PTPRN2: variants seen among roughly 807,000 people sequenced by gnomAD.
PTPRN2 encodes the protein protein tyrosine phosphatase receptor type N2, also known as receptor-type tyrosine-protein phosphatase N2.
A neutral mutation model predicts 118.8 loss-of-function variants in PTPRN2; 74 were observed. The ratio of observed to expected loss-of-function variants is 0.62; its 90% confidence interval spans 0.52 to 0.76. The LOEUF is 0.76. Among genes scored for constraint, PTPRN2 ranks in the 30% least tolerant of loss-of-function variants. PTPRN2 has a pLI of 0.00. For missense variants in PTPRN2, 1,481 were observed against 1,394.4 expected, an observed-to-expected ratio of 1.06 and a Z score of -0.99; for synonymous variants, 641 against 608.0, an observed-to-expected ratio of 1.05 and a Z score of -0.80.
chr7:158,111,192 G>T (rs144034783), intron 9 of PTPRN2, among the ~76,000 whole-genome samples: 4 of 152,234 alleles, frequency 2.6e-5, no homozygotes, highest in Non-Finnish European at 5.9e-5. Flanking sequence ...AAGGGGAGAA[G>T]GGAGAAGGGA....
intron 12 of PTPRN2, among the ~76,000 whole-genome samples, chr7:157,694,966 A>G (rs1036463598): frequency 1.3e-5 from 2 of 152,172 alleles, no homozygotes; most frequent in African/African-American, 4.8e-5. Flanking sequence ...TGATGAATAA[A>G]AAATATAATA....
intron 9 of PTPRN2, among the ~76,000 whole-genome samples, chr7:158,128,032 C>G (rs1218927214): frequency 2.0e-5 from 3 of 152,206 alleles, no homozygotes; most frequent in African/African-American, 7.2e-5. Flanking sequence ...ATCTGAACCT[C>G]AGCACCAAGA....
At chr7:157,570,148 C>A (rs1410813429) in intron 20 of PTPRN2, among the ~76,000 whole-genome samples, 1 of 152,254 alleles carries the variant, frequency 6.6e-6, no homozygotes, top group Admixed American at 6.5e-5. Context: ...GGAGGAGAGG[C>A]GGTCGGCCTG....
chr7:158,311,627 C>T (rs989813002), intron 3 of PTPRN2, among the ~76,000 whole-genome samples: 10 of 152,236 alleles, frequency 6.6e-5, no homozygotes, highest in Admixed American at 4.6e-4. Context: ...CCCTCCTCTT[C>T]GTGCAGAAGA....
intron 20 of PTPRN2, 73 bp from the exon 21 acceptor site, chr7:157,569,039 A>T: frequency 7.1e-7 from 1 of 1,407,688 alleles, no homozygotes; most frequent in Non-Finnish European, 1.0e-6. Context: ...AGCTAGTGAC[A>T]GTTCATTTCC....
At chr7:158,311,551 C>T (rs1284654665) in intron 3 of PTPRN2, among the ~76,000 whole-genome samples, 2 of 152,142 alleles carry the variant, frequency 1.3e-5, no homozygotes, top group Non-Finnish European at 2.9e-5. Context: ...ACACAGTGAA[C>T]GTATTTTGTT....
At chr7:157,551,227 A>C (rs1295689634) in intron 21 of PTPRN2, among the ~76,000 whole-genome samples, 1 of 152,132 alleles carries the variant, frequency 6.6e-6, no homozygotes, top group African/African-American at 2.4e-5. Flanking sequence ...AACAACTCAG[A>C]AATGCCCATA....
At chr7:158,142,873 G>A (rs1293351099) in intron 6 of PTPRN2, among the ~76,000 whole-genome samples, 1 of 152,202 alleles carries the variant, frequency 6.6e-6, no homozygotes, top group African/African-American at 2.4e-5. Context: ...CACGCTGACA[G>A]GCTCACGTTG....
chr7:158,448,808 G>A (rs1817902322), intron 2 of PTPRN2, among the ~76,000 whole-genome samples: 1 of 152,224 alleles, frequency 6.6e-6, no homozygotes, highest in South Asian at 2.1e-4. Flanking sequence ...AGACTGGACT[G>A]TCCAGGTGCT....
At chr7:157,873,153 C>T (rs1159466548) in intron 12 of PTPRN2, among the ~76,000 whole-genome samples, 2 of 152,236 alleles carry the variant, frequency 1.3e-5, no homozygotes, top group Admixed American at 6.5e-5. Flanking sequence ...CTGACCGGGC[C>T]TCTTGCCTGC....
In PTPRN2 at chr7:158,505,812, C is replaced by T. The variant is rs149565123; in HGVS notation, c.113-16027G>A. Among the ~76,000 whole-genome samples the T allele has an allele frequency of 5.4e-3, 828 of 152,280 alleles. 5 individuals are homozygous for T. Among genetic ancestry groups the T allele is most frequent in the African/African-American group, 0.019 (790 of 41,542 alleles). On this transcript the variant is annotated intron_variant, in intron 1 of 22. Transcript: ENST00000389418. ...ACGTGTATGCCATCACCATGCCCTG[C>T]GTCCTTAAGGGGTTCAATGTGGTGC... is the stretch of plus-strand genomic sequence containing the variant.
intron 6 of PTPRN2, among the ~76,000 whole-genome samples, chr7:158,144,564 T>TG (rs1157298697): frequency 6.6e-6 from 1 of 151,958 alleles, no homozygotes; most frequent in Admixed American, 6.6e-5. Flanking sequence ...GCTTGAACCT[T>TG]GGGGGTGGAG....
chr7:158,270,814 A>ACCACCCCGTCCACCTGGG (rs1798327573), intron 3 of PTPRN2, among the ~76,000 whole-genome samples: 2 of 5,774 alleles, frequency 3.5e-4, no homozygotes, highest in African/African-American at 1.7e-3. Flanking sequence ...CCTCACCTGG[A>ACCACCCCGTCCACCTGGG]CCGCCCCCTC....
chr7:158,472,550 T>A (rs1359659557), intron 2 of PTPRN2, among the ~76,000 whole-genome samples: 1 of 152,008 alleles, frequency 6.6e-6, no homozygotes, highest in African/African-American at 2.4e-5. Context: ...CTCAAGAATA[T>A]CTCAAAGCAC....
At chr7:157,668,875 A>G (rs1796269450) in intron 13 of PTPRN2, among the ~76,000 whole-genome samples, 1 of 152,236 alleles carries the variant, frequency 6.6e-6, no homozygotes, top group African/African-American at 2.4e-5. Flanking sequence ...CATGTGTCAT[A>G]GTGGGGAAAA....
At chr7:157,958,748 G>C (rs1186886545) in intron 11 of PTPRN2, among the ~76,000 whole-genome samples, 1 of 152,180 alleles carries the variant, frequency 6.6e-6, no homozygotes, top group Non-Finnish European at 1.5e-5. Flanking sequence ...GTTGTTAAAT[G>C]AAAGAAGACA....
chr7:157,999,494 C>T (rs1805051364), intron 11 of PTPRN2, among the ~76,000 whole-genome samples: 1 of 152,208 alleles, frequency 6.6e-6, no homozygotes, highest in South Asian at 2.1e-4. Flanking sequence ...CCCACTTACC[C>T]TGCGTTTTCC....
At chr7:158,545,138 A>T (rs1312247707) in intron 1 of PTPRN2, among the ~76,000 whole-genome samples, 1 of 152,222 alleles carries the variant, frequency 6.6e-6, no homozygotes, top group Non-Finnish European at 1.5e-5. Flanking sequence ...GTTTTTCTGG[A>T]CTTAGCTGGC....
chr7:158,357,111 A>G (rs1291379417), intron 2 of PTPRN2, among the ~76,000 whole-genome samples: 1 of 152,264 alleles, frequency 6.6e-6, no homozygotes, highest in Non-Finnish European at 1.5e-5. Context: ...ACAACCAGAA[A>G]ATAGAAACCA....
Sources: gnomAD v4.1 joint callset for allele counts (sites outside exome capture counted in the v4.1 genomes callset) on GRCh38, gnomAD v4.1.1 for gene constraint, MANE v1.5 for transcripts, NCBI Gene and HGNC (gene_info 2026-07-23, HGNC 2026-07-21) for gene names.